DOP1B: variants seen among roughly 807,000 people sequenced by gnomAD.
DOP1B encodes the protein DOP1 leucine zipper like protein B.
DOP1B carries 174 observed loss-of-function variants against 233.5 expected under a neutral mutation model. That is an observed-to-expected ratio of 0.75 (90% CI 0.66 to 0.85). DOP1B has a LOEUF of 0.85. Ranked by LOEUF, DOP1B falls within the 40% of genes least tolerant of loss-of-function variation. The probability of loss-of-function intolerance (pLI) is 0.00; values close to 1 mark genes in which losing one functional copy is unlikely to be tolerated. For synonymous variants in DOP1B, 1,190 were observed against 1,185.6 expected, an observed-to-expected ratio of 1.00 and a Z score of -0.08; for missense variants, 2,652 against 2,846.6, an observed-to-expected ratio of 0.93 and a Z score of 1.56.
intron 4 of DOP1B, among the ~76,000 whole-genome samples, chr21:36,201,337 A>G (rs1014820666): frequency 1.3e-4 from 11 of 81,620 alleles, no homozygotes; most frequent in East Asian, 1.3e-3. Context: ...CACTGTATCT[A>G]TTGGATTCTT....
intron 23 of DOP1B, among the ~76,000 whole-genome samples, chr21:36,254,386 G>A (rs1368347596): frequency 6.6e-6 from 1 of 152,166 alleles, no homozygotes; most frequent in Non-Finnish European, 1.5e-5. Context: ...GACTGGGAAA[G>A]GATGAGGGAG....
At chr21:36,262,037 C>G (rs1279878146) in intron 24 of DOP1B, 1 of 892,864 alleles carries the variant, frequency 1.1e-6, no homozygotes. Context: ...CTCCTTGATT[C>G]ACACAGTTAA....
At chr21:36,157,827 T>A (rs1010331593) in intron 1 of DOP1B, among the ~76,000 whole-genome samples, 29 of 152,222 alleles carry the variant, frequency 1.9e-4, no homozygotes, top group African/African-American at 6.0e-4. Context: ...ATGTTTTTGC[T>A]TATGTGGTAG....
rs2067579948 is a variant in DOP1B, at chr21:36,293,301, G to C, written c.6646-19G>C. On this transcript the variant is annotated intron_variant, in intron 36 of 36. Transcript: ENST00000691173. ...CTCAGTAAAACCATATCATTGTTAT[G>C]GGTTTGTTTTTTCTGCAGGAAATCA... 1 of 1,610,142 alleles carries C rather than the reference G, an allele frequency of 6.2e-7. No homozygotes were observed. The highest frequency in any genetic ancestry group is 8.5e-7 in the Non-Finnish European group (1 of 1,177,318).
intron 27 of DOP1B, among the ~76,000 whole-genome samples, chr21:36,273,187 A>G (rs1344675090): frequency 1.3e-5 from 2 of 151,854 alleles, no homozygotes; most frequent in Non-Finnish European, 2.9e-5. Flanking sequence ...TGGGCAGATC[A>G]CCTGAGGTCA....
chr21:36,292,054 C>T lies in DOP1B; in HGVS notation c.6516-50C>T, dbSNP rs747078024. ...ATCTTAATAAAACTAATTTTAACGA[C>T]GTTGAAGGCCTCTTACCAGCAGACC... On this transcript the variant is annotated intron_variant, in intron 35 of 36. Coordinates refer to ENST00000691173, the MANE Select transcript of DOP1B (RefSeq NM_001320714.2). The T allele has an allele frequency of 3.0e-5, 46 of 1,540,938 alleles. No individual in the cohort carries two copies. In the Middle Eastern group the frequency reaches 7.2e-4, roughly 24 times the overall value.
Position 36,230,867 on chromosome 21 carries a change from A to G in DOP1B, c.2083A>G (p.Met695Val), listed in dbSNP as rs752465499. 71 of 1,614,000 alleles carry G rather than the reference A, an allele frequency of 4.4e-5. No homozygotes were observed. Among genetic ancestry groups the G allele is most frequent in the Non-Finnish European group, 5.1e-6 (6 of 1,179,992 alleles). Residue 695 changes from methionine (M) to valine (V), a missense_variant, in exon 14 of 37, where the codon ATG (methionine) becomes GTG (valine). This residue lies in a region of DOP1B where 2,617 missense variants were observed against 2,794.3 expected (regional missense o/e 0.94). Coordinates refer to ENST00000691173, the MANE Select transcript of DOP1B (RefSeq NM_001320714.2). ...CATCACTGTGCCTCAGTTCAAGCAGATGCTGTCAGACTTGTTCACAGCACG... is the reference window on the plus strand; with the variant it reads ...CATCACTGTGCCTCAGTTCAAGCAGGTGCTGTCAGACTTGTTCACAGCACG... ...KPITVPQFKQ[M>V]LSDLFTARGS...
intron 12 of DOP1B, 55 bp from the exon 13 acceptor site, chr21:36,227,631 G>C: frequency 7.1e-7 from 1 of 1,406,682 alleles, no homozygotes; most frequent in Non-Finnish European, 9.4e-7. Flanking sequence ...GAGATGCATT[G>C]TTTTTCTGAT....
chr21:36,221,050 G>C (rs969300370), intron 10 of DOP1B, among the ~76,000 whole-genome samples: 1 of 151,902 alleles, frequency 6.6e-6, no homozygotes, highest in African/African-American at 2.4e-5. Flanking sequence ...GCCTCAAGCA[G>C]TCCTCCTGCC....
At chr21:36,198,101 C>A (rs2066313969) in intron 2 of DOP1B, among the ~76,000 whole-genome samples, 1 of 151,612 alleles carries the variant, frequency 6.6e-6, no homozygotes, top group Non-Finnish European at 1.5e-5. Context: ...ACTACTTATG[C>A]AGATCATTCC....
At chr21:36,243,606 G>A (rs2066918121) in intron 18 of DOP1B, among the ~76,000 whole-genome samples, 1 of 151,726 alleles carries the variant, frequency 6.6e-6, no homozygotes, top group Admixed American at 6.6e-5. Flanking sequence ...CCTAGTGGCT[G>A]TGTATTATAC....
At chr21:36,167,934 CTTTTTCTTTTT>C (rs1568996138) in intron 2 of DOP1B, among the ~76,000 whole-genome samples, 4 of 75,398 alleles carry the variant, frequency 5.3e-5, no homozygotes, top group Non-Finnish European at 1.1e-4. Flanking sequence ...CTTTTCTTTT[CTTTTTCTTTTT>C]TTTTTTTTTT....
At chr21:36,284,665 CA>C (rs1043013445) in intron 32 of DOP1B, among the ~76,000 whole-genome samples, 7 of 151,326 alleles carry the variant, frequency 4.6e-5, no homozygotes, top group Non-Finnish European at 1.0e-4. Context: ...AAGCTAGAAC[CA>C]AAAAAACAAA....
intron 10 of DOP1B, 111 bp from the exon 11 acceptor site, chr21:36,223,120 C>A: frequency 8.9e-7 from 1 of 1,127,118 alleles, no homozygotes; most frequent in Non-Finnish European, 1.2e-6. Context: ...GGTGTGTCAG[C>A]TTCTCTAGAA....
chr21:36,205,130 G>A (rs2066413026), intron 4 of DOP1B, among the ~76,000 whole-genome samples: 1 of 152,180 alleles, frequency 6.6e-6, no homozygotes. Context: ...GTGCTGTCTT[G>A]TGACAGCTTG....
At chr21:36,172,515 A>G (rs986942981) in intron 2 of DOP1B, among the ~76,000 whole-genome samples, 5 of 152,208 alleles carry the variant, frequency 3.3e-5, no homozygotes, top group Non-Finnish European at 5.9e-5. Context: ...TAATCCTAGC[A>G]CTTTGGGAGG....
At chr21:36,223,414 G>A in intron 11 of DOP1B, 64 bp downstream of exon 11, 1 of 1,566,758 alleles carries the variant, frequency 6.4e-7, no homozygotes, top group South Asian at 1.2e-5. Flanking sequence ...TAATTTTGTA[G>A]CTGCTTAGAA....
chr21:36,159,186 TTATGCCTGTA>T (rs1366810634), intron 1 of DOP1B, among the ~76,000 whole-genome samples: 1 of 151,978 alleles, frequency 6.6e-6, no homozygotes, highest in Non-Finnish European at 1.5e-5. Flanking sequence ...GCGCAGTGGC[TTATGCCTGTA>T]ATCCCAGTAC....
At chr21:36,164,996 C>A in intron 2 of DOP1B, 125 bp downstream of exon 2, 9 of 793,538 alleles carry the variant, frequency 1.1e-5, no homozygotes, top group Non-Finnish European at 1.3e-5. Flanking sequence ...ACATATTATA[C>A]AGTATAATCT....
Sources: gnomAD v4.1 joint callset for allele counts (sites outside exome capture counted in the v4.1 genomes callset) on GRCh38, gnomAD v4.1.1 for gene constraint, gnomAD v4.1.1 regional missense constraint, MANE v1.5 for transcripts, NCBI Gene and HGNC (gene_info 2026-07-23, HGNC 2026-07-21) for gene names.